Variants in SLC7A8 observed in about 807,000 individuals in gnomAD.
SLC7A8 encodes large neutral amino acids transporter small subunit 2.
Under a neutral mutation model 51.2 loss-of-function variants are expected in SLC7A8, and 30 were observed. That is an observed-to-expected ratio of 0.59 (90% CI 0.44 to 0.80). The LOEUF (loss-of-function observed/expected upper bound fraction) is 0.80. SLC7A8 is among the 30% of genes least tolerant of loss of function. SLC7A8 has a pLI of 0.00. For synonymous variants in SLC7A8, 257 were observed against 275.8 expected (o/e 0.93, Z 0.67); for missense variants, 612 against 674.4 (o/e 0.91, Z 1.03).
intron 7 of SLC7A8, among the ~76,000 whole-genome samples, chr14:23,132,841 G>C (rs1328236299): frequency 6.6e-6 from 1 of 151,970 alleles, no homozygotes; most frequent in Non-Finnish European, 1.5e-5. Context: ...TCTCCATGTT[G>C]GTCAGGCTGG....
chr14:23,146,982 C>T (rs1369105243), intron 3 of SLC7A8: 1 of 152,126 alleles, frequency 6.6e-6, no homozygotes, highest in Non-Finnish European at 1.5e-5. Context: ...TCGGCTAGAC[C>T]CTGAATTCCG....
At position 23,143,207 on chromosome 14, in the gene SLC7A8, G is replaced by A. The variant is rs1566362109; in HGVS notation, c.509-3C>T. The A allele has an allele frequency of 1.2e-6, 2 of 1,614,120 alleles. No individual in the cohort carries two copies. Among genetic ancestry groups the A allele is most frequent in the East Asian group, 4.5e-5 (2 of 44,880 alleles). On this transcript the variant is annotated splice_polypyrimidine_tract_variant and splice_region_variant and intron_variant, in intron 3 of 10. Coordinates refer to ENST00000316902, the MANE Select transcript of SLC7A8 (RefSeq NM_012244.4). Reference sequence around the variant, plus strand: ...ACAGTTGACCCATGTGAGGAGCACTGAAATGAAAGACCCCCAAACAGACCT... The same window carrying A: ...ACAGTTGACCCATGTGAGGAGCACTAAAATGAAAGACCCCCAAACAGACCT...
intron 1 of SLC7A8, among the ~76,000 whole-genome samples, chr14:23,171,791 A>T (rs1450507979): frequency 6.6e-6 from 1 of 152,202 alleles, no homozygotes; most frequent in Non-Finnish European, 1.5e-5. Flanking sequence ...TCTTCACGCC[A>T]GGCCTGGAAG....
In SLC7A8 at chr14:23,159,166, T is replaced by C. The variant is rs116808861; in HGVS notation, c.508+6119A>G. ...TTTCTAAGACTCTATAAATCATACC[T>C]TATCTCCCCTTAGTGTAGGAGTTCA... On this transcript the variant is annotated intron_variant, in intron 3 of 10. Transcript: ENST00000316902. 2.6e-3 allele frequency among the ~76,000 whole-genome samples: 398 copies of C among 152,352 alleles called. 1 individual carries two copies. Among genetic ancestry groups the C allele is most frequent in the African/African-American group, 9.2e-3 (381 of 41,580 alleles).
intron 6 of SLC7A8, among the ~76,000 whole-genome samples, chr14:23,138,386 C>A (rs78313986): frequency 6.6e-6 from 1 of 152,120 alleles, no homozygotes; most frequent in Non-Finnish European, 1.5e-5. Context: ...GTGATCCAGG[C>A]CTTACATACA....
chr14:23,133,566 C>T (rs181844109), intron 7 of SLC7A8, among the ~76,000 whole-genome samples: 3 of 152,078 alleles, frequency 2.0e-5, no homozygotes. Flanking sequence ...GTGGCTCATG[C>T]CTGTAATCCC....
In SLC7A8 at chr14:23,144,341, A is replaced by AATTTTT. The variant is rs375223021; in HGVS notation, c.509-1138_509-1137insAAAAAT. Among the ~76,000 whole-genome samples the AATTTTT allele has an allele frequency of 3.5e-5, 4 of 114,352 alleles. 1 individual carries two copies. The highest frequency in any genetic ancestry group is 3.1e-5 in the African/African-American group (1 of 32,014). The allele number at this position is 114,352 out of a possible 152,430, so 75.0% of individuals were successfully genotyped here. A position where few individuals can be genotyped will look rare whatever the true frequency, so the allele number is the denominator to read the frequency against. ...ATTTGGTATTGTCAGTTTAAACACA[A>AATTTTT]TTTTTTTTTTTTTTTTTTTTTTGGC... On this transcript the variant is annotated intron_variant, in intron 3 of 10. Transcript: ENST00000316902.
At chr14:23,129,578 T>C in intron 9 of SLC7A8, 72 bp downstream of exon 9, 1 of 1,541,514 alleles carries the variant, frequency 6.5e-7, no homozygotes, top group Non-Finnish European at 8.8e-7. Context: ...AGAACAGAGG[T>C]GATTTAAAAA....
At chr14:23,132,614 T>A (rs1450737108) in intron 7 of SLC7A8, among the ~76,000 whole-genome samples, 5 of 149,982 alleles carry the variant, frequency 3.3e-5, no homozygotes, top group African/African-American at 1.2e-4. Context: ...ACAAAACTCA[T>A]CAAAATGAAC....
intron 1 of SLC7A8, among the ~76,000 whole-genome samples, chr14:23,171,563 C>T (rs1268252426): frequency 6.6e-6 from 1 of 152,206 alleles, no homozygotes; most frequent in Non-Finnish European, 1.5e-5. Context: ...ACCCTCAGAT[C>T]CAAAAGGCTT....
intron 10 of SLC7A8, 115 bp from the exon 11 acceptor site, chr14:23,127,458 T>A: frequency 1.6e-6 from 2 of 1,254,284 alleles, no homozygotes; most frequent in Non-Finnish European, 2.2e-6. Flanking sequence ...TTCAGAGCAG[T>A]CAGTGCGTTG....
intron 1 of SLC7A8, among the ~76,000 whole-genome samples, chr14:23,173,451 G>C (rs769824101): frequency 2.0e-5 from 3 of 152,176 alleles, no homozygotes; most frequent in Non-Finnish European, 4.4e-5. Flanking sequence ...GAAATGGTCA[G>C]TCTTCTTACT....
intron 3 of SLC7A8, among the ~76,000 whole-genome samples, chr14:23,143,768 A>G (rs776257499): frequency 4.6e-5 from 7 of 152,234 alleles, no homozygotes; most frequent in African/African-American, 7.2e-5. Context: ...CCAACACTCT[A>G]AAAAGTTTCC....
In SLC7A8 at chr14:23,128,593, G is replaced by C. The variant is rs953700038; in HGVS notation, c.1264-397C>G. Among the ~76,000 whole-genome samples, 1 of 152,200 alleles carries C rather than the reference G, an allele frequency of 6.6e-6. No homozygotes were observed. Among genetic ancestry groups the C allele is most frequent in the East Asian group, 1.9e-4 (1 of 5,194 alleles). On this transcript the variant is annotated intron_variant, in intron 9 of 10. Transcript: ENST00000316902. This position sits in a 1 kb window ranked among gnomAD's most constrained non-coding sequence, Gnocchi z 4.3. ...GGTCCTAGGGTGGAGGGGAGGTGTG[G>C]CAATGCACAAGGTGCAGGCAGGAGA...
rs1594813417 is a variant in SLC7A8, at chr14:23,127,512, G to A, written c.1442-169C>T. ...TGGTCTGCCTCCTGCATCTCCCGCC[G>A]GCTACTCTTTGCTTATGAAGGCCCC... On this transcript the variant is annotated intron_variant, in intron 10 of 10. Transcript: ENST00000316902. Among the ~76,000 whole-genome samples the A allele has an allele frequency of 2.6e-5, 4 of 152,222 alleles. No homozygotes were observed. The South Asian group carries it at 8.3e-4, about 32-fold the overall frequency.
intron 7 of SLC7A8, among the ~76,000 whole-genome samples, chr14:23,133,522 T>C (rs1176035551): frequency 6.6e-6 from 1 of 151,942 alleles, no homozygotes; most frequent in Non-Finnish European, 1.5e-5. Flanking sequence ...TAAAATGAAT[T>C]TGGCATAAGA....
chr14:23,155,046 C>T, intron 3 of SLC7A8: 1 of 683,260 alleles, frequency 1.5e-6, no homozygotes, highest in Non-Finnish European at 2.2e-6. Context: ...TCATAAACTG[C>T]GCTTTGATCC....
chr14:23,155,049 T>G (rs1489911752), intron 3 of SLC7A8: 3 of 797,762 alleles, frequency 3.8e-6, no homozygotes, highest in Non-Finnish European at 1.8e-6. Flanking sequence ...TAAACTGCGC[T>G]TTGATCCCAG....
At chr14:23,130,033 A>T (rs1044184880) in intron 8 of SLC7A8, 3 of 508,066 alleles carry the variant, frequency 5.9e-6, no homozygotes, top group African/African-American at 5.8e-5. Context: ...CTCGTATGGC[A>T]CGGGCACTAG....
Sources: gnomAD v4.1 joint callset for allele counts (sites outside exome capture counted in the v4.1 genomes callset) on GRCh38, gnomAD v4.1.1 for gene constraint, Gnocchi (gnomAD v3.1) non-coding constraint, MANE v1.5 for transcripts, NCBI Gene and HGNC (gene_info 2026-07-23, HGNC 2026-07-21) for gene names.